Variants in ZC3H12B observed in about 807,000 individuals in gnomAD.
ZC3H12B encodes zinc finger CCCH-type containing 12B.
Under a neutral mutation model 43.9 loss-of-function variants are expected in ZC3H12B, and 7 were observed. That is an observed-to-expected ratio of 0.16 (90% CI 0.09 to 0.30). The LOEUF (loss-of-function observed/expected upper bound fraction) is 0.30. Among genes scored for constraint, ZC3H12B ranks in the 10% least tolerant of loss-of-function variants. The pLI is 1.00. For synonymous variants in ZC3H12B, 222 were observed against 241.7 expected (o/e 0.92, Z 0.76); for missense variants, 475 against 670.2 (o/e 0.71, Z 3.22).
At chrX:65,470,867 T>G (rs780649066) in intron 3 of ZC3H12B, among the ~76,000 whole-genome samples, 1 of 112,413 alleles carries the variant, frequency 8.9e-6, no homozygotes, top group Admixed American at 9.5e-5. Flanking sequence ...TGACTTCTAG[T>G]TTTTTTCTAC....
At chrX:65,492,472 A>C (rs1473013522) in intron 1 of ZC3H12B, among the ~76,000 whole-genome samples, 1 of 112,324 alleles carries the variant, frequency 8.9e-6, no homozygotes, top group African/African-American at 3.2e-5. Flanking sequence ...AAATAGAGCC[A>C]AGAAATAGCA....
the ZC3H12B span, among the ~76,000 whole-genome samples, chrX:65,149,863 AAT>A: frequency 9.2e-6 from 1 of 108,870 alleles, no homozygotes; most frequent in African/African-American, 3.3e-5. Flanking sequence ...ACCCTTGTAT[AAT>A]GCTACTTATA....
the ZC3H12B span, among the ~76,000 whole-genome samples, chrX:65,139,661 G>A: frequency 6.3e-5 from 7 of 111,343 alleles, no homozygotes; most frequent in African/African-American, 1.6e-4. Flanking sequence ...TGAATATATA[G>A]ATTGCTTTGA....
chrX:65,302,981 C>G, the ZC3H12B span, among the ~76,000 whole-genome samples: 1 of 111,236 alleles, frequency 9.0e-6, no homozygotes, highest in Non-Finnish European at 1.9e-5. Flanking sequence ...TAAACACAGA[C>G]CTCACACTAT....
At chrX:65,156,096 T>A in the ZC3H12B span, among the ~76,000 whole-genome samples, 1 of 111,757 alleles carries the variant, frequency 8.9e-6, no homozygotes, top group Non-Finnish European at 1.9e-5. Flanking sequence ...ATGTTTATAT[T>A]GTTTATAGTA....
At chrX:65,070,996 A>T in the ZC3H12B span, among the ~76,000 whole-genome samples, 6 of 108,103 alleles carry the variant, frequency 5.6e-5, no homozygotes, top group Non-Finnish European at 9.6e-5. Flanking sequence ...CAGGTCCTGA[A>T]TTTTTTTGTT....
chrX:65,117,091 G>C, the ZC3H12B span, among the ~76,000 whole-genome samples: 1 of 111,773 alleles, frequency 8.9e-6, no homozygotes, highest in South Asian at 3.7e-4. Flanking sequence ...GGGATGGCTG[G>C]GTCAAATGGT....
At chrX:65,141,149 A>G in the ZC3H12B span, among the ~76,000 whole-genome samples, 1 of 109,871 alleles carries the variant, frequency 9.1e-6, no homozygotes, top group African/African-American at 3.3e-5. Context: ...TATGTTGTTT[A>G]TTTAAGATCT....
chrX:65,273,842 C>T, the ZC3H12B span, among the ~76,000 whole-genome samples: 1 of 112,265 alleles, frequency 8.9e-6, no homozygotes, highest in South Asian at 3.7e-4. Context: ...GATACAATGC[C>T]TGCCAAAACT....
chrX:65,070,123 GT>G, the ZC3H12B span, among the ~76,000 whole-genome samples: 1 of 108,570 alleles, frequency 9.2e-6, no homozygotes, highest in African/African-American at 3.4e-5. Context: ...TTCAGAGCTC[GT>G]TATTGGTCTT....
chrX:65,069,781 G>A, the ZC3H12B span, among the ~76,000 whole-genome samples: 1 of 112,129 alleles, frequency 8.9e-6, no homozygotes, highest in African/African-American at 3.2e-5. Flanking sequence ...AACCAACCCT[G>A]CATCCCAGGG....
the ZC3H12B span, among the ~76,000 whole-genome samples, chrX:65,183,367 G>A: frequency 2.7e-5 from 3 of 111,253 alleles, no homozygotes; most frequent in Non-Finnish European, 5.7e-5. Flanking sequence ...TAAACATTTA[G>A]TACATATGGA....
the ZC3H12B span, among the ~76,000 whole-genome samples, chrX:65,340,299 A>T: frequency 8.9e-6 from 1 of 111,905 alleles, no homozygotes; most frequent in Non-Finnish European, 1.9e-5. Flanking sequence ...TGCTGTGAAC[A>T]CCCACACATA....
the ZC3H12B span, among the ~76,000 whole-genome samples, chrX:65,163,890 G>A: frequency 5.4e-5 from 6 of 111,851 alleles, no homozygotes; most frequent in Non-Finnish European, 7.5e-5. Flanking sequence ...GTAGACCGTC[G>A]CTGTTCCTAT....
At chrX:65,476,930 TCCTA>T (rs1280110650) in intron 3 of ZC3H12B, among the ~76,000 whole-genome samples, 1 of 107,935 alleles carries the variant, frequency 9.3e-6, no homozygotes, top group African/African-American at 3.4e-5. Context: ...CAAGCGATTC[TCCTA>T]CCTAAGCCTC....
exon 5 of ZC3H12B, chrX:65,503,216 A>G (rs986274702): frequency 2.6e-6 from 3 of 1,142,729 alleles, no homozygotes; most frequent in African/African-American, 3.6e-5. Flanking sequence ...TTGATATGAC[A>G]TAGTACTTAT....
the ZC3H12B span, among the ~76,000 whole-genome samples, chrX:65,075,911 G>C: frequency 9.0e-6 from 1 of 111,634 alleles, no homozygotes; most frequent in Non-Finnish European, 1.9e-5. Flanking sequence ...AGACCATGGC[G>C]AGTGAGTACC....
At chrX:65,418,097 C>T (rs1412399440) in intron 3 of ZC3H12B, among the ~76,000 whole-genome samples, 1 of 111,794 alleles carries the variant, frequency 8.9e-6, no homozygotes, top group Non-Finnish European at 1.9e-5. Context: ...AGATGCATTA[C>T]TATTTTATTT....
At chrX:65,103,397 T>A in the ZC3H12B span, among the ~76,000 whole-genome samples, 1 of 112,070 alleles carries the variant, frequency 8.9e-6, no homozygotes, top group African/African-American at 3.2e-5. Context: ...TATCCTGTTC[T>A]TTTTTCAAGG....
Sources: allele counts gnomAD v4.1 joint callset (sites outside exome capture counted in the v4.1 genomes callset), GRCh38; gene constraint gnomAD v4.1.1; transcripts MANE v1.5; gene names NCBI Gene and HGNC (gene_info 2026-07-23, HGNC 2026-07-21).